ARHGAP8: variants seen among roughly 807,000 people sequenced by gnomAD.
The protein encoded by ARHGAP8 is rho GTPase-activating protein 8.
ARHGAP8 carries 62 observed loss-of-function variants against 46.1 expected under a neutral mutation model. That is an observed-to-expected ratio of 1.34 (90% CI 1.10 to 1.66). The LOEUF (loss-of-function observed/expected upper bound fraction) is 1.66, where lower values mean the gene tolerates loss of function less well. Among genes scored for constraint, ARHGAP8 ranks in the 40% most tolerant of loss-of-function variants. The probability of loss-of-function intolerance (pLI) is 0.00; values close to 1 mark genes in which losing one functional copy is unlikely to be tolerated. For missense variants in ARHGAP8, 923 were observed against 568.4 expected (o/e 1.62, Z -6.34); for synonymous variants, 375 against 243.1 (o/e 1.54, Z -5.05).
At position 44,808,712 on chromosome 22, in the gene ARHGAP8, C is replaced by T. The variant is rs1274105111; in HGVS notation, c.299+274C>T. 10 of 608,612 alleles carry T rather than the reference C, an allele frequency of 1.6e-5. No individual in the cohort carries two copies. In the East Asian group the frequency reaches 3.1e-4, roughly 19 times the overall value. 37.7% of individuals were successfully genotyped at this position (608,612 alleles called of 1,614,324 possible). ...GCCACCATGGCTCACACCTGTAATC[C>T]CAGTACTTTGGGAGGCCAAGGTGGG... On this transcript the variant is annotated intron_variant, in intron 4 of 11. Coordinates refer to ENST00000356099, the MANE Select transcript of ARHGAP8 (RefSeq NM_181335.3).
chr22:44,809,693 C>G (rs933310769), intron 4 of ARHGAP8: 5 of 157,248 alleles, frequency 3.2e-5, no homozygotes, highest in African/African-American at 1.2e-4. Flanking sequence ...GACGTCCGGC[C>G]TAATAATCAA....
At chr22:44,822,199 G>A (rs923789844) in intron 5 of ARHGAP8, among the ~76,000 whole-genome samples, 172 bp from the exon 6 acceptor site, 35 of 152,038 alleles carry the variant, frequency 2.3e-4, no homozygotes, top group African/African-American at 8.2e-4. Context: ...AATATCTCCC[G>A]GCGTGCGCTG....
intron 1 of ARHGAP8, among the ~76,000 whole-genome samples, chr22:44,753,447 C>T (rs1022764133): frequency 1.3e-5 from 2 of 152,114 alleles, no homozygotes; most frequent in African/African-American, 4.8e-5. Flanking sequence ...TCTCGACCAC[C>T]TGACCTCAGG....
At chr22:44,812,338 A>C (rs1602211278) in intron 4 of ARHGAP8, among the ~76,000 whole-genome samples, 4 of 139,846 alleles carry the variant, frequency 2.9e-5, no homozygotes, top group African/African-American at 5.3e-5. Flanking sequence ...CCCTCCTCTC[A>C]GAGCCTTTTT....
At chr22:44,763,239 G>A (rs980904958) in intron 1 of ARHGAP8, among the ~76,000 whole-genome samples, 1 of 152,062 alleles carries the variant, frequency 6.6e-6, no homozygotes, top group African/African-American at 2.4e-5. Flanking sequence ...GCTCACACCT[G>A]TAATCCTAAC....
rs145564212 is a variant in ARHGAP8 at position 44,759,611 on chromosome 22, A to T, written c.-72+6984A>T. Among the ~76,000 whole-genome samples, 169 of 151,900 alleles carry T rather than the reference A, an allele frequency of 1.1e-3. 4 individuals are homozygous for T. The East Asian group carries it at 0.03, about 27-fold the overall frequency. On this transcript the variant is annotated intron_variant, in intron 1 of 11. Coordinates refer to ENST00000356099, the MANE Select transcript of ARHGAP8 (RefSeq NM_181335.3). Reference sequence around the variant, plus strand: ...AGTTGGCTGCAGCCCTCCGGGTCTCATCTGCATACCCAGCTGCGCAGAGAC... The same window carrying T: ...AGTTGGCTGCAGCCCTCCGGGTCTCTTCTGCATACCCAGCTGCGCAGAGAC...
At chr22:44,842,486 TGTC>T (rs1187173907) in intron 7 of ARHGAP8, among the ~76,000 whole-genome samples, 1 of 152,202 alleles carries the variant, frequency 6.6e-6, no homozygotes, top group Non-Finnish European at 1.5e-5. Flanking sequence ...GGTTTTTGGT[TGTC>T]GTGGAATCAC....
At chr22:44,804,210 C>T (rs1199659251) in intron 3 of ARHGAP8, among the ~76,000 whole-genome samples, 1 of 152,198 alleles carries the variant, frequency 6.6e-6, no homozygotes, top group Admixed American at 6.5e-5. Flanking sequence ...GCCCTGTCAT[C>T]CTCTTTCATC....
chr22:44,862,711 C>T lies in ARHGAP8; in HGVS notation c.*116C>T. ...AGCCATTAGATGAATTCAGAACCTT[C>T]TAATGAAAACTCCATGCCTCTGGTC... On this transcript the variant is annotated 3_prime_UTR_variant, in exon 12 of 12. Transcript: ENST00000356099. 1 of 1,252,886 alleles carries T rather than the reference C, an allele frequency of 8.0e-7. No individual in the cohort carries two copies. The highest frequency in any genetic ancestry group is 1.1e-6 in the Non-Finnish European group (1 of 934,186). 77.6% of individuals were successfully genotyped at this position (1,252,886 alleles called of 1,614,324 possible).
At chr22:44,792,006 CTTCTTTCT>C (rs537616131) in intron 2 of ARHGAP8, among the ~76,000 whole-genome samples, 5 of 140,810 alleles carry the variant, frequency 3.6e-5, no homozygotes, top group Admixed American at 1.4e-4. Flanking sequence ...TCTTCTTTTT[CTTCTTTCT>C]TTCTTTCTTT....
chr22:44,814,910 G>A (rs888042305), intron 5 of ARHGAP8, 152 bp downstream of exon 5: 2 of 848,414 alleles, frequency 2.4e-6, no homozygotes, highest in South Asian at 1.8e-5. Flanking sequence ...GGGTCTGCGG[G>A]GGGTCACAAG....
chr22:44,757,040 C>T (rs1924737695), intron 1 of ARHGAP8, among the ~76,000 whole-genome samples: 2 of 152,070 alleles, frequency 1.3e-5, no homozygotes, highest in South Asian at 2.1e-4. Flanking sequence ...CTGAGCCTTC[C>T]CGAGTAGCTC....
At chr22:44,775,436 G>A (rs760809607) in intron 1 of ARHGAP8, among the ~76,000 whole-genome samples, 3 of 133,920 alleles carry the variant, frequency 2.2e-5, no homozygotes, top group Non-Finnish European at 3.2e-5. Context: ...TAACCCTGAG[G>A]GGACATAATT....
chr22:44,809,097 A>G (rs1487655139), intron 4 of ARHGAP8: 1 of 470,354 alleles, frequency 2.1e-6, no homozygotes, highest in Non-Finnish European at 4.4e-6. Flanking sequence ...CTGGGATTAC[A>G]GGCAGGAGCC....
intron 1 of ARHGAP8, among the ~76,000 whole-genome samples, chr22:44,772,328 C>CT (rs1160266112): frequency 1.4e-4 from 12 of 83,012 alleles, no homozygotes; most frequent in South Asian, 1.4e-3. Flanking sequence ...CACTGATTGA[C>CT]TTTTTTTTTG....
intron 7 of ARHGAP8, among the ~76,000 whole-genome samples, chr22:44,831,074 T>C (rs577635360): frequency 6.6e-6 from 1 of 152,386 alleles, no homozygotes; most frequent in South Asian, 2.1e-4. Flanking sequence ...TAGGCCCTTA[T>C]CAGATGTATG....
intron 1 of ARHGAP8, among the ~76,000 whole-genome samples, chr22:44,759,238 C>T (rs9614567): frequency 0.064 from 9,737 of 152,200 alleles, 399 homozygotes; most frequent in Non-Finnish European, 0.096. Context: ...GAGACTCAGA[C>T]GTGAGTCAGA....
chr22:44,852,213 AAAAAG>A (rs1210301850), intron 10 of ARHGAP8, among the ~76,000 whole-genome samples: 3 of 143,536 alleles, frequency 2.1e-5, no homozygotes, highest in African/African-American at 5.0e-5. Flanking sequence ...AAAAAAAAAA[AAAAAG>A]GAAGGGAGGA....
chr22:44,839,265 A>G (rs995501117), intron 7 of ARHGAP8, among the ~76,000 whole-genome samples: 5 of 152,152 alleles, frequency 3.3e-5, no homozygotes, highest in African/African-American at 7.2e-5. Flanking sequence ...GACCTCCTGA[A>G]GGTCACGCCA....
Sources: allele counts gnomAD v4.1 joint callset (sites outside exome capture counted in the v4.1 genomes callset), GRCh38; gene constraint gnomAD v4.1.1; transcripts MANE v1.5; gene names NCBI Gene and HGNC (gene_info 2026-07-23, HGNC 2026-07-21).